WWOX: variants seen among roughly 807,000 people sequenced by gnomAD.
WWOX encodes WW domain containing oxidoreductase.
WWOX carries 69 observed loss-of-function variants against 46.2 expected under a neutral mutation model. The ratio of observed to expected loss-of-function variants is 1.49; its 90% confidence interval spans 1.23 to 1.82. The LOEUF is 1.82. Ranked by LOEUF, WWOX falls within the 40% of genes most tolerant of loss-of-function variation. The pLI, the probability that WWOX is intolerant of heterozygous loss-of-function variation, is 0.00. For synonymous variants in WWOX, 359 were observed against 202.6 expected (o/e 1.77, Z -6.56); for missense variants, 919 against 542.6 (o/e 1.69, Z -6.89).
At position 78,454,308 on chromosome 16, in the gene WWOX, A is replaced by G. The variant is rs116792206; in HGVS notation, c.1056+21556A>G. On this transcript the variant is annotated intron_variant, in intron 8 of 8. Coordinates refer to ENST00000566780, the MANE Select transcript of WWOX (RefSeq NM_016373.4). Reference sequence around the variant, plus strand: ...ATCTCTCAAACTTTTTTGGACCACTATCTAAGTTTTTTCTGTTAAAACCCA... The same window carrying G: ...ATCTCTCAAACTTTTTTGGACCACTGTCTAAGTTTTTTCTGTTAAAACCCA... 1.6e-3 allele frequency among the ~76,000 whole-genome samples: 249 copies of G among 152,146 alleles called. 1 individual carries two copies. Among genetic ancestry groups the G allele is most frequent in the African/African-American group, 5.7e-3 (236 of 41,536 alleles).
At chr16:79,070,636 G>T (rs572014928) in intron 8 of WWOX, among the ~76,000 whole-genome samples, 1 of 152,288 alleles carries the variant, frequency 6.6e-6, no homozygotes, top group African/African-American at 2.4e-5. Context: ...AAGAGGCACA[G>T]AAGTTCAGGG....
chr16:78,148,196 A>G (rs568053317), intron 4 of WWOX, among the ~76,000 whole-genome samples: 20 of 152,332 alleles, frequency 1.3e-4, no homozygotes, highest in Admixed American at 1.1e-3. Context: ...AAACTTCAGG[A>G]TAAATCTTTC....
At chr16:78,476,088 G>C (rs957311182) in intron 8 of WWOX, among the ~76,000 whole-genome samples, 11 of 152,084 alleles carry the variant, frequency 7.2e-5, no homozygotes, top group African/African-American at 2.4e-4. Flanking sequence ...ATCCCATCTG[G>C]TGTTCTAATT....
chr16:78,339,282 T>A (rs1249243213), intron 5 of WWOX, among the ~76,000 whole-genome samples: 1 of 118,290 alleles, frequency 8.5e-6, no homozygotes. Context: ...TCATCTTTTT[T>A]TAGAAATTTG....
chr16:78,943,044 C>T (rs1462916363), intron 8 of WWOX, among the ~76,000 whole-genome samples: 3 of 152,188 alleles, frequency 2.0e-5, no homozygotes, highest in African/African-American at 7.2e-5. Context: ...TCTCCTGCTT[C>T]TGCTTCCTGT....
chr16:78,923,957 G>C (rs1029334171), intron 8 of WWOX, among the ~76,000 whole-genome samples: 1 of 151,786 alleles, frequency 6.6e-6, no homozygotes, highest in Admixed American at 6.6e-5. Flanking sequence ...CCGCCACCAC[G>C]CCTGGCTAAT....
intron 8 of WWOX, among the ~76,000 whole-genome samples, chr16:78,547,360 T>C (rs1199902691): frequency 6.6e-6 from 1 of 151,710 alleles, no homozygotes; most frequent in East Asian, 1.9e-4. Flanking sequence ...GACAGAGAGG[T>C]TAGATGTGTA....
intron 8 of WWOX, among the ~76,000 whole-genome samples, chr16:78,436,025 C>G (rs1475859682): frequency 1.3e-5 from 2 of 152,076 alleles, no homozygotes; most frequent in South Asian, 2.1e-4. Flanking sequence ...TTTGTTAATT[C>G]GAACTGAAAA....
chr16:78,959,378 C>A (rs1246262600), intron 8 of WWOX, among the ~76,000 whole-genome samples: 1 of 152,168 alleles, frequency 6.6e-6, no homozygotes, highest in Non-Finnish European at 1.5e-5. Context: ...TAGAGATGTC[C>A]ATGTTTTGGA....
intron 5 of WWOX, among the ~76,000 whole-genome samples, chr16:78,263,996 C>CTTGTTTTTTTTTTT (rs2079304787): frequency 1.3e-5 from 1 of 78,816 alleles, no homozygotes; most frequent in African/African-American, 6.1e-5. Context: ...GCTGTGAAAT[C>CTTGTTTTTTTTTTT]TTTTTTTTTT....
intron 8 of WWOX, among the ~76,000 whole-genome samples, chr16:78,718,180 T>G (rs985094834): frequency 6.8e-6 from 1 of 146,694 alleles, no homozygotes; most frequent in Non-Finnish European, 1.5e-5. Context: ...GCCCAAGTTA[T>G]TATTTTTTAT....
chr16:79,020,123 G>A (rs2550717), intron 8 of WWOX, among the ~76,000 whole-genome samples: 65,838 of 152,088 alleles, frequency 0.43, 14,508 homozygotes, highest in East Asian at 0.56. Context: ...CTACATGCTA[G>A]ATCTCTCCCT....
At chr16:79,154,986 G>A (rs932954849) in intron 8 of WWOX, among the ~76,000 whole-genome samples, 1 of 152,238 alleles carries the variant, frequency 6.6e-6, no homozygotes, top group African/African-American at 2.4e-5. Flanking sequence ...GGGTCATGAT[G>A]TCATGCTTAT....
chr16:78,860,505 A>G (rs1337626754), intron 8 of WWOX, among the ~76,000 whole-genome samples: 2 of 152,174 alleles, frequency 1.3e-5, no homozygotes, highest in African/African-American at 2.4e-5. Flanking sequence ...AGAAAAAAGA[A>G]GGAAAAAATG....
At chr16:79,170,635 A>G (rs955658459) in intron 8 of WWOX, among the ~76,000 whole-genome samples, 6 of 151,632 alleles carry the variant, frequency 4.0e-5, no homozygotes, top group South Asian at 2.1e-4. Context: ...CAAATTAAAA[A>G]ATGGAACTCA....
At chr16:78,840,890 A>C (rs115977392) in intron 8 of WWOX, among the ~76,000 whole-genome samples, 2,855 of 152,158 alleles carry the variant, frequency 0.019, 98 homozygotes, top group African/African-American at 0.066. Context: ...ACACACTTGG[A>C]GTAGCAAACA....
At chr16:78,717,884 C>G (rs1286633164) in intron 8 of WWOX, among the ~76,000 whole-genome samples, 1 of 152,178 alleles carries the variant, frequency 6.6e-6, no homozygotes, top group Non-Finnish European at 1.5e-5. Context: ...GAGCTGTGTA[C>G]TGGTTTGAAA....
intron 8 of WWOX, among the ~76,000 whole-genome samples, chr16:79,107,797 GATCACAAAATTATA>G (rs1461880444): frequency 1.3e-5 from 2 of 152,182 alleles, no homozygotes; most frequent in Admixed American, 1.3e-4. Context: ...ATCAGGTAAT[GATCACAAAATTATA>G]ATCACAAATT....
At chr16:78,721,210 C>A (rs1329200722) in intron 8 of WWOX, among the ~76,000 whole-genome samples, 1 of 151,748 alleles carries the variant, frequency 6.6e-6, no homozygotes, top group Non-Finnish European at 1.5e-5. Context: ...ATACTTTCTA[C>A]AGTATCTTTA....
Sources: gnomAD v4.1 joint callset for allele counts (sites outside exome capture counted in the v4.1 genomes callset) on GRCh38, gnomAD v4.1.1 for gene constraint, MANE v1.5 for transcripts, NCBI Gene and HGNC (gene_info 2026-07-23, HGNC 2026-07-21) for gene names.